MIPOL1: variants seen among roughly 807,000 people sequenced by gnomAD.
MIPOL1 encodes the protein mirror-image polydactyly 1.
A neutral mutation model predicts 60.9 loss-of-function variants in MIPOL1; 57 were observed. The observed-to-expected ratio is 0.94, with a 90% CI of 0.76 to 1.17. The LOEUF is 1.17. MIPOL1 is among the 50% of genes most tolerant of loss of function. The pLI is 0.00. For synonymous variants in MIPOL1, 179 were observed against 168.8 expected (o/e 1.06, Z -0.47); for missense variants, 551 against 511.6 (o/e 1.08, Z -0.74).
chr14:37,251,688 T>G (rs780492550), intron 3 of MIPOL1, among the ~76,000 whole-genome samples: 1 of 151,994 alleles, frequency 6.6e-6, no homozygotes, highest in Non-Finnish European at 1.5e-5. Context: ...AAAAAAGACA[T>G]AGAGATCGTA....
intron 9 of MIPOL1, among the ~76,000 whole-genome samples, chr14:37,356,985 C>T (rs1179735972): frequency 6.6e-6 from 1 of 152,146 alleles, no homozygotes; most frequent in African/African-American, 2.4e-5. Flanking sequence ...TATACATGTG[C>T]CACATTTTCT....
At chr14:37,241,563 C>G (rs1233577040) in intron 1 of MIPOL1, among the ~76,000 whole-genome samples, 1 of 16,472 alleles carries the variant, frequency 6.1e-5, no homozygotes, top group Non-Finnish European at 1.1e-4. Flanking sequence ...ATTACGGGTG[C>G]GGCAGGGTGT....
At chr14:37,253,280 C>T (rs1180498600) in intron 3 of MIPOL1, among the ~76,000 whole-genome samples, 1 of 151,778 alleles carries the variant, frequency 6.6e-6, no homozygotes, top group Non-Finnish European at 1.5e-5. Flanking sequence ...CTTTCACTTA[C>T]TACCTACTTG....
At chr14:37,471,877 A>G (rs910073627) in intron 11 of MIPOL1, among the ~76,000 whole-genome samples, 1 of 152,202 alleles carries the variant, frequency 6.6e-6, no homozygotes, top group African/African-American at 2.4e-5. Context: ...CATTTATAAT[A>G]ATTTGAAACA....
Position 37,422,958 on chromosome 14 carries a change from CT to C in MIPOL1, c.1031+14del. 2.6e-6 allele frequency: 4 copies of C among 1,551,774 alleles called. No individual in the cohort carries two copies. The highest frequency in any genetic ancestry group is 2.6e-6 in the Non-Finnish European group (3 of 1,132,574). On this transcript the variant is annotated intron_variant, in intron 11 of 12. Coordinates refer to ENST00000684589, the MANE Select transcript of MIPOL1 (RefSeq NM_001388067.1). ...CTTCGAGTTTACTACAGGTAAAATT[CT>C]TTTTAGCCTGGGGTTAAGTAAATAT...
intron 9 of MIPOL1, among the ~76,000 whole-genome samples, chr14:37,345,303 G>A (rs536117246): frequency 1.3e-5 from 2 of 152,122 alleles, no homozygotes; most frequent in African/African-American, 2.4e-5. Flanking sequence ...ACAAAGTCTC[G>A]CTACATTGCC....
At chr14:37,420,102 A>T (rs1260536616) in intron 10 of MIPOL1, among the ~76,000 whole-genome samples, 6 of 152,040 alleles carry the variant, frequency 3.9e-5, no homozygotes, top group Admixed American at 3.9e-4. Flanking sequence ...TTTTGAAAAA[A>T]AAAAAAGCAA....
intron 9 of MIPOL1, among the ~76,000 whole-genome samples, chr14:37,329,327 A>G (rs2089475797): frequency 6.6e-6 from 1 of 152,172 alleles, no homozygotes; most frequent in Non-Finnish European, 1.5e-5. Flanking sequence ...AGCTTTTGCT[A>G]CAGTAGTTGG....
intron 12 of MIPOL1, among the ~76,000 whole-genome samples, chr14:37,528,587 A>G (rs1303453123): frequency 6.6e-6 from 1 of 152,106 alleles, no homozygotes; most frequent in East Asian, 1.9e-4. Flanking sequence ...GAAAGATAAC[A>G]TTTCATCTTG....
intron 9 of MIPOL1, among the ~76,000 whole-genome samples, chr14:37,319,287 G>T (rs1329106723): frequency 1.3e-5 from 2 of 152,082 alleles, no homozygotes; most frequent in African/African-American, 2.4e-5. Flanking sequence ...GAAAAGGACA[G>T]ACCAAAGAAT....
At position 37,417,905 on chromosome 14, in the gene MIPOL1, A is replaced by C. The variant is rs372664454; in HGVS notation, c.937-4950A>C. On this transcript the variant is annotated intron_variant, in intron 10 of 12. Coordinates refer to ENST00000684589, the MANE Select transcript of MIPOL1 (RefSeq NM_001388067.1). ...GTTAGTTCCAACTTTCTTTCTAACC[A>C]TCTATGAAACCTTGGACAATTTCCA... Among the ~76,000 whole-genome samples, 100 of 152,286 alleles carry C rather than the reference A, an allele frequency of 6.6e-4. No individual in the cohort carries two copies. The South Asian group carries it at 7.0e-3, about 11-fold the overall frequency.
In MIPOL1 at chr14:37,270,414, CT is replaced by C; in HGVS notation, c.388-3del. 6.7e-7 allele frequency: 1 copy of C among 1,494,152 alleles called. No homozygotes were observed. The highest frequency in any genetic ancestry group is 9.1e-7 in the Non-Finnish European group (1 of 1,095,592). 92.6% of individuals were successfully genotyped at this position (1,494,152 alleles called of 1,614,324 possible). A position where few individuals can be genotyped will look rare whatever the true frequency, so the allele number is the denominator to read the frequency against. ...AGAATCCATGATTTTTTTCAATGTGCTTTAGCTTCAGCAGAAATTGGCTAAA... is the reference window on the plus strand; with the variant it reads ...AGAATCCATGATTTTTTTCAATGTGCTTAGCTTCAGCAGAAATTGGCTAAA... On this transcript the variant is annotated splice_polypyrimidine_tract_variant and splice_region_variant and intron_variant, in intron 5 of 12. Transcript: ENST00000684589.
Position 37,209,441 on chromosome 14 carries a change from C to A in MIPOL1, c.-199+11337C>A, listed in dbSNP as rs1966590265. 2.0e-5 allele frequency among the ~76,000 whole-genome samples: 3 copies of A among 152,072 alleles called. No individual in the cohort carries two copies. The South Asian group carries it at 6.2e-4, about 32-fold the overall frequency. Reference sequence around the variant, plus strand: ...TGGGAGGCCGAGGCAGGAGGATCACCTGAGGTCAGGAGATTGAGACCAGCC... The same window carrying A: ...TGGGAGGCCGAGGCAGGAGGATCACATGAGGTCAGGAGATTGAGACCAGCC... On this transcript the variant is annotated intron_variant, in intron 1 of 12. Transcript: ENST00000684589.
In MIPOL1 at chr14:37,357,495, C is replaced by T. The variant is rs138063231; in HGVS notation, c.829-12022C>T. The stretch of plus-strand genomic sequence containing the variant: ...CTAATTGTAGTTTTGATTTGCATTT[C>T]GTTGATGATCAGTGATATTGAACAC... On this transcript the variant is annotated intron_variant, in intron 9 of 12. Transcript: ENST00000684589. Among the ~76,000 whole-genome samples the T allele has an allele frequency of 3.9e-5, 6 of 152,226 alleles. No homozygotes were observed. In the East Asian group the frequency reaches 9.7e-4, roughly 24 times the overall value.
intron 10 of MIPOL1, among the ~76,000 whole-genome samples, chr14:37,402,168 CAT>C (rs376841591): frequency 5.3e-5 from 8 of 152,096 alleles, no homozygotes; most frequent in South Asian, 2.1e-4. Flanking sequence ...TTATATATCA[CAT>C]GATTTATTAA....
chr14:37,201,889 C>G (rs1965397123), intron 1 of MIPOL1, among the ~76,000 whole-genome samples: 1 of 152,146 alleles, frequency 6.6e-6, no homozygotes, highest in Admixed American at 6.5e-5. Context: ...GGCTGGAGTA[C>G]AGTGGTGCAA....
intron 11 of MIPOL1, among the ~76,000 whole-genome samples, chr14:37,479,006 A>G (rs146282256): frequency 6.6e-6 from 1 of 152,328 alleles, no homozygotes; most frequent in East Asian, 1.9e-4. Flanking sequence ...CTAAATATAT[A>G]AAACAGATAT....
At chr14:37,220,860 C>T (rs915963578) in intron 1 of MIPOL1, among the ~76,000 whole-genome samples, 2 of 152,128 alleles carry the variant, frequency 1.3e-5, no homozygotes, top group Non-Finnish European at 1.5e-5. Context: ...ACTGCAGCCT[C>T]GAACTCCTTG....
In MIPOL1 at chr14:37,267,138, G is replaced by A. The variant is rs1197178431; in HGVS notation, c.220G>A (p.Glu74Lys). 4 of 1,613,374 alleles carry A rather than the reference G, an allele frequency of 2.5e-6. No homozygotes were observed. In the African/African-American group the frequency reaches 4.0e-5, roughly 16 times the overall value. Residue 74 changes from glutamate to lysine, a missense_variant, in exon 4 of 13, where the codon GAG (glutamate) becomes AAG (lysine). Coordinates refer to ENST00000684589, the MANE Select transcript of MIPOL1 (RefSeq NM_001388067.1). ...FQIISSYPDD[E>K]SVYCTTEKYN... is the part of the protein sequence containing the mutation. ...GATCATCAGTTCTTATCCAGATGAT[G>A]AGTCTGTTTACTGCACTACTGAAAA...
Sources: gnomAD v4.1 joint callset for allele counts (sites outside exome capture counted in the v4.1 genomes callset) on GRCh38, gnomAD v4.1.1 for gene constraint, MANE v1.5 for transcripts, NCBI Gene and HGNC (gene_info 2026-07-23, HGNC 2026-07-21) for gene names.